The following LCP1 variants were observed in gnomAD, a reference collection of about 807,000 sequenced individuals.
The protein encoded by LCP1 is lymphocyte cytosolic protein 1.
A neutral mutation model predicts 72.0 loss-of-function variants in LCP1; 23 were observed. The observed-to-expected ratio is 0.32, with a 90% CI of 0.23 to 0.45. The LOEUF is 0.45. LCP1 is among the 20% of genes least tolerant of loss of function. The pLI is 1.00. For synonymous variants in LCP1, 245 were observed against 275.4 expected (o/e 0.89, Z 1.09); for missense variants, 571 against 748.3 (o/e 0.76, Z 2.76).
At chr13:46,130,727 T>A in intron 15 of LCP1, 87 bp downstream of exon 15, 2 of 1,462,232 alleles carry the variant, frequency 1.4e-6, no homozygotes, top group Non-Finnish European at 1.9e-6. Context: ...AATGTTTGTA[T>A]AAAGGCATGA....
intron 1 of LCP1, among the ~76,000 whole-genome samples, chr13:46,161,702 G>A (rs980485279): frequency 6.6e-6 from 1 of 152,148 alleles, no homozygotes; most frequent in African/African-American, 2.4e-5. Flanking sequence ...ACTAAATGAT[G>A]TAATTGATAA....
chr13:46,170,010 A>T (rs2146891), intron 1 of LCP1, among the ~76,000 whole-genome samples: 46,238 of 151,992 alleles, frequency 0.3, 7,846 homozygotes, highest in African/African-American at 0.44. Flanking sequence ...GGTCCCTGTT[A>T]CCATTCATCT....
chr13:46,159,165 G>T (rs1472751256), intron 2 of LCP1, 176 bp from the exon 3 acceptor site: 1 of 607,180 alleles, frequency 1.6e-6, no homozygotes, highest in South Asian at 2.1e-5. Flanking sequence ...CTGAATAGGG[G>T]CACCAGCATT....
intron 1 of LCP1, among the ~76,000 whole-genome samples, chr13:46,176,910 CGAGAGAGA>C (rs1205897294): frequency 1.6e-5 from 2 of 128,022 alleles, no homozygotes; most frequent in African/African-American, 5.4e-5. Context: ...TGTGAGAGAG[CGAGAGAGA>C]GAGAGGGAGG....
At position 46,158,936 on chromosome 13, in the gene LCP1, C is replaced by T; in HGVS notation, c.118G>A (p.Ala40Thr). The T allele has an allele frequency of 1.2e-6, 2 of 1,614,138 alleles. No homozygotes were observed. Among genetic ancestry groups the T allele is most frequent in the Non-Finnish European group, 1.7e-6 (2 of 1,180,034 alleles). Residue 40 changes from alanine to threonine, a missense_variant, in exon 3 of 16, where the codon GCT becomes ACT. By Grantham distance (58) the Ala-to-Thr change is moderately conservative. Coordinates refer to ENST00000323076, the MANE Select transcript of LCP1 (RefSeq NM_002298.5). Reference sequence around the variant, plus strand: ...TACCCAGGCAAAGGCAAGCAAGCAGCCTTGAACAAGTCATTCAACTCATTG... The same window carrying T: ...TACCCAGGCAAAGGCAAGCAAGCAGTCTTGAACAAGTCATTCAACTCATTG... ...SFNELNDLFK[A>T]ACLPLPGYRV...
At chr13:46,165,060 G>T (rs2045868706) in intron 1 of LCP1, among the ~76,000 whole-genome samples, 1 of 152,168 alleles carries the variant, frequency 6.6e-6, no homozygotes, top group Non-Finnish European at 1.5e-5. Flanking sequence ...GTAAAAACAG[G>T]CAGACCAGAT....
chr13:46,164,636 C>G (rs1326845475), intron 1 of LCP1, among the ~76,000 whole-genome samples: 3 of 152,210 alleles, frequency 2.0e-5, no homozygotes, highest in Non-Finnish European at 4.4e-5. Context: ...AAGGGATAAT[C>G]AGCAACTGAC....
chr13:46,158,188 A>G (rs978531664), intron 4 of LCP1, among the ~76,000 whole-genome samples: 3 of 152,212 alleles, frequency 2.0e-5, no homozygotes, highest in African/African-American at 7.2e-5. Context: ...TGAAAACATA[A>G]TTTTTTGATC....
rs141222728 is a variant in LCP1 at position 46,159,654 on chromosome 13, T to C, written c.9A>G (p.Arg3=). 4 of 1,614,002 alleles carry C rather than the reference T, an allele frequency of 2.5e-6. No individual in the cohort carries two copies. The African/African-American group carries it at 4.0e-5, about 16-fold the overall frequency. The change falls in exon 2 of 16, where the codon AGA becomes AGG. Residue 3 remains arginine, a synonymous_variant. Transcript: ENST00000323076. The stretch of plus-strand genomic sequence containing the variant: ...TCATTTCCTCATCGGACACTGATCC[T>C]CTGGCCATTTTTTATTGCTTTAGGT... MA[R]GSVSDEEMME...
intron 4 of LCP1, among the ~76,000 whole-genome samples, 199 bp downstream of exon 4, chr13:46,158,323 A>G (rs934276248): frequency 2.6e-5 from 4 of 152,224 alleles, no homozygotes; most frequent in African/African-American, 9.6e-5. Context: ...TGATCAAATC[A>G]TTTTGTATTG....
In LCP1 at chr13:46,127,692, C is replaced by A; in HGVS notation, c.1783G>T (p.Ala595Ser). Residue 595 changes from alanine (A) to serine (S), a missense_variant, in exon 16 of 16, where the codon GCA (alanine) becomes TCA (serine). Physicochemically the swap from Ala to Ser is moderately conservative, Grantham distance 99. Coordinates refer to ENST00000323076, the MANE Select transcript of LCP1 (RefSeq NM_002298.5). ...YAISMARKIG[A>S]RVYALPEDLV... ...TCTTCTGGCAGGGCATACACTCTTG[C>A]TCCAATTTTTCGGGCCATAGAGATG... 4 of 1,614,176 alleles carry A rather than the reference C, an allele frequency of 2.5e-6. No homozygotes were observed. Among genetic ancestry groups the A allele is most frequent in the Non-Finnish European group, 3.4e-6 (4 of 1,180,024 alleles).
At chr13:46,149,770 G>C (rs1312824920) in intron 8 of LCP1, among the ~76,000 whole-genome samples, 1 of 152,172 alleles carries the variant, frequency 6.6e-6, no homozygotes, top group Admixed American at 6.5e-5. Context: ...TTTAATGACA[G>C]GAAATTAGGT....
At chr13:46,173,973 TCTC>T (rs2045915961) in intron 1 of LCP1, among the ~76,000 whole-genome samples, 1 of 152,190 alleles carries the variant, frequency 6.6e-6, no homozygotes, top group African/African-American at 2.4e-5. Context: ...CTGGGCAACA[TCTC>T]CTCTCTGTCA....
At position 46,162,417 on chromosome 13, in the gene LCP1, A is replaced by C. The variant is rs564856229; in HGVS notation, c.-24-2731T>G. The stretch of plus-strand genomic sequence containing the variant: ...CCTCCCTGCCTGATTCTCCTGCCTC[A>C]GCCTGCCAAGTGCCTGCGATTGCAG... On this transcript the variant is annotated intron_variant, in intron 1 of 15. Transcript: ENST00000323076. Among the ~76,000 whole-genome samples, 483 of 151,818 alleles carry C rather than the reference A, an allele frequency of 3.2e-3. 3 individuals carry two copies. Among genetic ancestry groups the C allele is most frequent in the South Asian group, 6.0e-3 (29 of 4,802 alleles).
At chr13:46,178,783 C>G (rs938046811) in intron 1 of LCP1, among the ~76,000 whole-genome samples, 1 of 152,134 alleles carries the variant, frequency 6.6e-6, no homozygotes, top group Admixed American at 6.5e-5. Context: ...TAATGTCACT[C>G]TACTATAAAA....
intron 1 of LCP1, among the ~76,000 whole-genome samples, chr13:46,171,434 G>A (rs76003798): frequency 0.011 from 1,712 of 152,274 alleles, 18 homozygotes; most frequent in Non-Finnish European, 0.018. Context: ...GCTCTTTAGG[G>A]AAGTTCTAAA....
chr13:46,147,179 A>G lies in LCP1; in HGVS notation c.979-76T>C. On this transcript the variant is annotated intron_variant, in intron 9 of 15. Coordinates refer to ENST00000323076, the MANE Select transcript of LCP1 (RefSeq NM_002298.5). ...AAGCAGATTGCATAATGTGAAAAGA[A>G]ATGGGAATCTCACTGAAATCATTAG... is the stretch of plus-strand genomic sequence containing the variant. 5.6e-6 allele frequency: 7 copies of G among 1,244,118 alleles called. No homozygotes were observed. In the South Asian group the frequency reaches 1.1e-4, roughly 19 times the overall value. The allele number at this position is 1,244,118 out of a possible 1,614,324, so 77.1% of individuals were successfully genotyped here. A position where few individuals can be genotyped will look rare whatever the true frequency, so the allele number is the denominator to read the frequency against.
intron 15 of LCP1, among the ~76,000 whole-genome samples, chr13:46,128,431 T>C (rs1002787954): frequency 6.6e-6 from 1 of 152,142 alleles, no homozygotes; most frequent in Non-Finnish European, 1.5e-5. Context: ...ACCCCATCTC[T>C]ACTAAAAATA....
intron 1 of LCP1, among the ~76,000 whole-genome samples, chr13:46,176,443 A>G (rs1345670772): frequency 1.3e-5 from 2 of 152,230 alleles, no homozygotes; most frequent in Non-Finnish European, 2.9e-5. Flanking sequence ...TTTTATGGAA[A>G]AAAAGTTGCA....
Sources: gnomAD v4.1 joint callset for allele counts (sites outside exome capture counted in the v4.1 genomes callset) on GRCh38, gnomAD v4.1.1 for gene constraint, MANE v1.5 for transcripts, NCBI Gene and HGNC (gene_info 2026-07-23, HGNC 2026-07-21) for gene names.